Variants in PIAS2 observed in about 807,000 individuals in gnomAD.
PIAS2 encodes protein inhibitor of activated STAT 2.
PIAS2 carries 19 observed loss-of-function variants against 69.7 expected under a neutral mutation model. The observed-to-expected ratio is 0.27, with a 90% CI of 0.19 to 0.40. The LOEUF (loss-of-function observed/expected upper bound fraction) is 0.40, where lower values mean the gene tolerates loss of function less well. Among genes scored for constraint, PIAS2 ranks in the 10% least tolerant of loss-of-function variants. The probability of loss-of-function intolerance (pLI) is 1.00; values close to 1 mark genes in which losing one functional copy is unlikely to be tolerated. For missense variants in PIAS2, 624 were observed against 757.0 expected (o/e 0.82, Z 2.06); for synonymous variants, 261 against 263.2 (o/e 0.99, Z 0.08).
At position 46,890,814 on chromosome 18, in the gene PIAS2, A is replaced by G. The variant is rs755776783; in HGVS notation, c.265T>C (p.Ser89Pro). 3.0e-5 allele frequency: 49 copies of G among 1,614,098 alleles called. 1 individual carries two copies. The highest frequency in any genetic ancestry group is 1.8e-5 in the Non-Finnish European group (21 of 1,180,044). Reference sequence around the variant, plus strand: ...GCCAAGTCAGGTTCTACAGGTGATGAGCCACCATCCAAACTGAAAACCGAT... The same window carrying G: ...GCCAAGTCAGGTTCTACAGGTGATGGGCCACCATCCAAACTGAAAACCGAT... Reference protein sequence around the residue: ...KSSVFSLDGGSSPVEPDLAVA... With the variant: ...KSSVFSLDGGPSPVEPDLAVA... The change falls in exon 2 of 14, where the codon TCA (serine) becomes CCA (proline). Residue 89 changes from serine (S) to proline (P), a missense_variant. Ser to Pro is a moderately conservative substitution (Grantham distance 74). This residue lies in a region of PIAS2 where 339 missense variants were observed against 408.8 expected (regional missense o/e 0.83). Coordinates refer to ENST00000585916, the MANE Select transcript of PIAS2 (RefSeq NM_004671.5).
At position 46,807,328 on chromosome 18, in the gene PIAS2, G is replaced by A. The variant is rs1338699658; in HGVS notation, c.*5105C>T. 2 of 119,960 alleles carry A rather than the reference G, an allele frequency of 1.7e-5. No homozygotes were observed. The highest frequency in any genetic ancestry group is 3.3e-5 in the Non-Finnish European group (2 of 60,530). 7.4% of individuals were successfully genotyped at this position (119,960 alleles called of 1,614,324 possible). A position where few individuals can be genotyped will look rare whatever the true frequency, so the allele number is the denominator to read the frequency against. On this transcript the variant is annotated 3_prime_UTR_variant, in exon 14 of 14. Coordinates refer to ENST00000585916, the MANE Select transcript of PIAS2 (RefSeq NM_004671.5). ...ATGGGAAAAGCTTGGATAGCCATAC[G>A]TAGGTGTTTCTGAAACATGTCAGAT...
chr18:46,832,822 G>A (rs28778279), intron 9 of PIAS2, among the ~76,000 whole-genome samples: 1 of 150,820 alleles, frequency 6.6e-6, no homozygotes, highest in Non-Finnish European at 1.5e-5. Flanking sequence ...AACCTGGGGG[G>A]TGGGGGCTGC....
Position 46,807,370 on chromosome 18 carries a change from TATATA to T in PIAS2, c.*5058_*5062del, listed in dbSNP as rs2040742761. ...ATGTCAGATTTTATATATATATATA[TATATA>T]TATATATATTTTTTTTTTTTTTTTT... is the stretch of plus-strand genomic sequence containing the variant. On this transcript the variant is annotated 3_prime_UTR_variant, in exon 14 of 14. Coordinates refer to ENST00000585916, the MANE Select transcript of PIAS2 (RefSeq NM_004671.5). 3.5e-5 allele frequency: 1 copy of T among 28,306 alleles called. No individual in the cohort carries two copies. The allele number at this position is 28,306 out of a possible 1,614,324, so 1.8% of individuals were successfully genotyped here.
At chr18:46,870,875 G>A (rs369978102) in intron 2 of PIAS2, among the ~76,000 whole-genome samples, 87 of 152,130 alleles carry the variant, frequency 5.7e-4, no homozygotes, top group African/African-American at 1.9e-3. Flanking sequence ...CAAGACCCTC[G>A]ATGGGTCAAT....
chr18:46,815,675 G>T, intron 12 of PIAS2: 1 of 1,021,490 alleles, frequency 9.8e-7, no homozygotes, highest in Admixed American at 5.7e-5. Flanking sequence ...ATGAGCTAAT[G>T]ATCTGGATTT....
chr18:46,815,308 A>G lies in PIAS2; in HGVS notation c.1686+4T>C. On this transcript the variant is annotated splice_donor_region_variant and intron_variant, in intron 13 of 13. Coordinates refer to ENST00000585916, the MANE Select transcript of PIAS2 (RefSeq NM_004671.5). ...AATTAGTTGCTTAAATTCAGGATAC[A>G]TACCTGGGGATCAACTGGAATAAGG... The G allele has an allele frequency of 6.2e-7, 1 of 1,610,920 alleles. No individual in the cohort carries two copies. Among genetic ancestry groups the G allele is most frequent in the Non-Finnish European group, 8.5e-7 (1 of 1,177,550 alleles).
chr18:46,917,626 C>G, upstream of PIAS2: 1 of 915,980 alleles, frequency 1.1e-6, no homozygotes, highest in Non-Finnish European at 1.3e-6. Context: ...CAGCGCCCGC[C>G]CGCGCCTGCC....
Position 46,917,048 on chromosome 18 carries a change from C to T in PIAS2, c.24+274G>A, listed in dbSNP as rs936801931. 1.3e-5 allele frequency: 13 copies of T among 988,058 alleles called. No homozygotes were observed. The East Asian group carries it at 5.6e-4, about 43-fold the overall frequency. The allele number at this position is 988,058 out of a possible 1,614,324, so 61.2% of individuals were successfully genotyped here. ...CCCCATGTGCCCCTCCTGGAGGGCG[C>T]CCCGACCCCCCGCGCCAGGTGTGCG... On this transcript the variant is annotated intron_variant, in intron 1 of 13. Coordinates refer to ENST00000585916, the MANE Select transcript of PIAS2 (RefSeq NM_004671.5).
Position 46,837,457 on chromosome 18 carries a change from TTATC to T in PIAS2, c.1042-944_1042-941del, listed in dbSNP as rs1187336122. Reference sequence around the variant, plus strand: ...TTCCCATTTGGTTATTAATCTTTTGTTATCTATTTATAGGCACTCTTTATATAAG... The same window carrying T: ...TTCCCATTTGGTTATTAATCTTTTGTTATTTATAGGCACTCTTTATATAAG... On this transcript the variant is annotated intron_variant, in intron 8 of 13. Transcript: ENST00000585916. Among the ~76,000 whole-genome samples the T allele has an allele frequency of 1.3e-5, 2 of 152,178 alleles. 1 individual carries two copies. Among genetic ancestry groups the T allele is most frequent in the South Asian group, 4.1e-4 (2 of 4,830 alleles).
intron 1 of PIAS2, among the ~76,000 whole-genome samples, chr18:46,913,020 C>A (rs1391485907): frequency 6.6e-6 from 1 of 152,188 alleles, no homozygotes; most frequent in Non-Finnish European, 1.5e-5. Context: ...TTGTTTCGAA[C>A]GTGCTTTCAT....
At chr18:46,855,678 C>A in intron 3 of PIAS2, 63 bp from the exon 4 acceptor site, 1 of 1,253,986 alleles carries the variant, frequency 8.0e-7, no homozygotes, top group East Asian at 2.3e-5. Context: ...AACAGTCTCC[C>A]CAGGAGGAAA....
chr18:46,832,266 T>G (rs1446056186), intron 9 of PIAS2, among the ~76,000 whole-genome samples: 1 of 151,452 alleles, frequency 6.6e-6, no homozygotes, highest in African/African-American at 2.4e-5. Context: ...AATACAAAAA[T>G]TAGCCAGGCG....
At chr18:46,917,582 C>G, upstream of PIAS2, 1 of 1,061,408 alleles carries the variant, frequency 9.4e-7, no homozygotes, top group Non-Finnish European at 1.1e-6. Flanking sequence ...CCCGCGCGAC[C>G]GCCTTCCGCC....
rs531411527 is a variant in PIAS2 at position 46,838,811 on chromosome 18, C to G, written c.1042-2294G>C. 6.6e-5 allele frequency among the ~76,000 whole-genome samples: 10 copies of G among 152,306 alleles called. No individual in the cohort carries two copies. The South Asian group carries it at 1.9e-3, about 28-fold the overall frequency. On this transcript the variant is annotated intron_variant, in intron 8 of 13. Coordinates refer to ENST00000585916, the MANE Select transcript of PIAS2 (RefSeq NM_004671.5). Reference sequence around the variant, plus strand: ...AAACCACACACTCACTGAGACACAGCTGATGGAGCTATATCACAAATCCAA... The same window carrying G: ...AAACCACACACTCACTGAGACACAGGTGATGGAGCTATATCACAAATCCAA...
intron 12 of PIAS2, chr18:46,817,069 C>T (rs1264394238): frequency 1.1e-6 from 1 of 940,810 alleles, no homozygotes; most frequent in Admixed American, 6.2e-5. Context: ...TGTTCTGCTT[C>T]AAATGGTATA....
intron 1 of PIAS2, among the ~76,000 whole-genome samples, chr18:46,908,705 C>G (rs2056912120): frequency 6.6e-6 from 1 of 152,176 alleles, no homozygotes; most frequent in Non-Finnish European, 1.5e-5. Flanking sequence ...TTAAGAACTT[C>G]TACTCATCAA....
rs1199900641 is a variant in PIAS2 at position 46,829,795 on chromosome 18, A to C, written c.1275T>G (p.Cys425Trp). 1.2e-6 allele frequency: 2 copies of C among 1,613,222 alleles called. No homozygotes were observed. Among genetic ancestry groups the C allele is most frequent in the African/African-American group, 2.7e-5 (2 of 74,900 alleles). ...TAGCTTCTTTCTTCGGTCTCATTGG[A>C]CACCAAGAACCATCTTCTTGGAATT... ...EIKFQEDGSW[C>W]PMRPKKEAMK... Residue 425 changes from cysteine (C) to tryptophan (W), a missense_variant, in exon 10 of 14, where the codon TGT (cysteine) becomes TGG (tryptophan). Physicochemically the swap from Cys to Trp is radical, Grantham distance 215. Coordinates refer to ENST00000585916, the MANE Select transcript of PIAS2 (RefSeq NM_004671.5).
At chr18:46,835,128 G>C (rs1354618192) in intron 9 of PIAS2, among the ~76,000 whole-genome samples, 13 of 152,184 alleles carry the variant, frequency 8.5e-5, no homozygotes, top group Admixed American at 8.5e-4. Context: ...CATGACATAT[G>C]TAACTCTCAA....
Position 46,915,137 on chromosome 18 carries a change from T to C in PIAS2, c.24+2185A>G, listed in dbSNP as rs139050294. ...AAGCCCAGACTCTAAAAGCTACATG[T>C]CTAAGATTAAAAATCTTAGCTTTTC... is the stretch of plus-strand genomic sequence containing the variant. On this transcript the variant is annotated intron_variant, in intron 1 of 13. Coordinates refer to ENST00000585916, the MANE Select transcript of PIAS2 (RefSeq NM_004671.5). 8.5e-5 allele frequency: 13 copies of C among 152,188 alleles called. No individual in the cohort carries two copies. In the East Asian group the frequency reaches 2.3e-3, roughly 27 times the overall value. The allele number at this position is 152,188 out of a possible 1,614,324, so 9.4% of individuals were successfully genotyped here.
Sources: allele counts gnomAD v4.1 joint callset (sites outside exome capture counted in the v4.1 genomes callset), GRCh38; gene constraint gnomAD v4.1.1; regional missense constraint gnomAD v4.1.1; transcripts MANE v1.5; gene names NCBI Gene and HGNC (gene_info 2026-07-23, HGNC 2026-07-21).